KIAA1328: variants seen among roughly 807,000 people sequenced by gnomAD.
The protein encoded by KIAA1328 is protein hinderin.
A neutral mutation model predicts 68.1 loss-of-function variants in KIAA1328; 52 were observed. The ratio of observed to expected loss-of-function variants is 0.76; its 90% CI spans 0.61 to 0.96. The LOEUF (loss-of-function observed/expected upper bound fraction) is 0.96, where lower values mean the gene tolerates loss of function less well. Among genes scored for constraint, KIAA1328 ranks in the 40% least tolerant of loss-of-function variants. The pLI is 0.00. For missense variants in KIAA1328, 641 were observed against 677.6 expected (o/e 0.95, Z 0.60); for synonymous variants, 232 against 239.4 (o/e 0.97, Z 0.28).
At chr18:37,229,087 T>C (rs1256155472), downstream of KIAA1328, among the ~76,000 whole-genome samples, 1 of 152,132 alleles carries the variant, frequency 6.6e-6, no homozygotes, top group African/African-American at 2.4e-5. Flanking sequence ...ATCTCTGAGG[T>C]ATGCCTGTAT....
intron 6 of KIAA1328, among the ~76,000 whole-genome samples, chr18:36,994,478 C>T (rs547717367): frequency 3.3e-5 from 5 of 152,142 alleles, no homozygotes; most frequent in Non-Finnish European, 5.9e-5. Flanking sequence ...CTCCCTCCCT[C>T]GGTGATCCTG....
At chr18:36,843,885 C>T (rs1018081648) in intron 3 of KIAA1328, among the ~76,000 whole-genome samples, 2 of 152,154 alleles carry the variant, frequency 1.3e-5, no homozygotes, top group East Asian at 1.9e-4. Flanking sequence ...GGTGTAATAA[C>T]AGTTCTCAGT....
intron 7 of KIAA1328, among the ~76,000 whole-genome samples, chr18:37,113,854 C>T (rs895362201): frequency 1.3e-5 from 2 of 152,108 alleles, no homozygotes; most frequent in Non-Finnish European, 2.9e-5. Flanking sequence ...GCAGGTGTTG[C>T]AATCCTAGTC....
At chr18:37,062,466 T>G (rs2056187481) in intron 6 of KIAA1328, among the ~76,000 whole-genome samples, 1 of 151,854 alleles carries the variant, frequency 6.6e-6, no homozygotes, top group Non-Finnish European at 1.5e-5. Context: ...TTGTTTTTTT[T>G]TTTTGAGACA....
chr18:36,951,658 T>G (rs2051166782), intron 5 of KIAA1328, among the ~76,000 whole-genome samples: 1 of 152,192 alleles, frequency 6.6e-6, no homozygotes, highest in Admixed American at 6.6e-5. Flanking sequence ...CCAAGCATCT[T>G]TAACTCTGTG....
chr18:37,074,578 A>T (rs1216507228), intron 7 of KIAA1328, among the ~76,000 whole-genome samples: 1 of 152,104 alleles, frequency 6.6e-6, no homozygotes, highest in East Asian at 1.9e-4. Flanking sequence ...CTTCCAGTTG[A>T]TCGCATCGGC....
chr18:37,147,698 G>A (rs1195242531), intron 7 of KIAA1328, among the ~76,000 whole-genome samples: 2 of 152,144 alleles, frequency 1.3e-5, no homozygotes, highest in African/African-American at 2.4e-5. Context: ...CTTCTCGTAT[G>A]TGGGCTTTCT....
At chr18:36,934,349 G>C (rs2050422361) in intron 5 of KIAA1328, among the ~76,000 whole-genome samples, 1 of 151,878 alleles carries the variant, frequency 6.6e-6, no homozygotes, top group African/African-American at 2.4e-5. Flanking sequence ...TAGGGTACAT[G>C]TGCACAATGT....
intron 6 of KIAA1328, among the ~76,000 whole-genome samples, chr18:37,038,958 A>G (rs1429603236): frequency 6.6e-6 from 1 of 152,114 alleles, no homozygotes; most frequent in Non-Finnish European, 1.5e-5. Flanking sequence ...TTTCTGTTTC[A>G]TGGAGATGAT....
In KIAA1328 at chr18:37,067,210, G is replaced by C. The variant is rs778223324; in HGVS notation, c.897G>C (p.Lys299Asn). ...ACATGAAGGAATGTCCACATCTTAA[G>C]CCTACTCCTAGTCAATGCTGTGGTC... is the stretch of plus-strand genomic sequence containing the variant. The part of the protein sequence containing the change: ...ELHMKECPHL[K>N]PTPSQCCGHR... The change falls in exon 7 of 10, where the codon AAG (lysine) becomes AAC (asparagine). Residue 299 changes from lysine (K) to asparagine (N), a missense_variant. Transcript: ENST00000280020. The C allele has an allele frequency of 5.0e-6, 8 of 1,613,874 alleles. No individual in the cohort carries two copies. In the African/African-American group the frequency reaches 1.1e-4, roughly 22 times the overall value.
chr18:36,918,680 G>T (rs2049806078), intron 5 of KIAA1328, among the ~76,000 whole-genome samples: 1 of 152,144 alleles, frequency 6.6e-6, no homozygotes, highest in East Asian at 1.9e-4. Context: ...CTCCCAAAGT[G>T]CTGGGATTAC....
chr18:36,907,524 C>CT (rs1208057769), intron 5 of KIAA1328, among the ~76,000 whole-genome samples: 3 of 151,964 alleles, frequency 2.0e-5, no homozygotes, highest in Non-Finnish European at 2.9e-5. Flanking sequence ...TTCTTGAAAG[C>CT]TTTTTTTGTG....
chr18:36,845,465 G>A (rs1228292857), intron 4 of KIAA1328, among the ~76,000 whole-genome samples: 6 of 151,672 alleles, frequency 4.0e-5, no homozygotes, highest in African/African-American at 9.7e-5. Flanking sequence ...ATGGTCCTAC[G>A]TTGCCATTAT....
intron 7 of KIAA1328, among the ~76,000 whole-genome samples, chr18:37,122,758 G>A (rs1164390761): frequency 6.6e-6 from 1 of 152,010 alleles, no homozygotes; most frequent in African/African-American, 2.4e-5. Flanking sequence ...TAGTACGGGA[G>A]GTGAGGAACA....
At chr18:37,153,392 G>T (rs1263753451) in intron 7 of KIAA1328, among the ~76,000 whole-genome samples, 1 of 152,074 alleles carries the variant, frequency 6.6e-6, no homozygotes, top group African/African-American at 2.4e-5. Flanking sequence ...ACAGAAAATG[G>T]CAGCCAGTTT....
chr18:36,869,637 CT>C (rs1568100081), intron 4 of KIAA1328, among the ~76,000 whole-genome samples: 1 of 152,006 alleles, frequency 6.6e-6, no homozygotes, highest in Non-Finnish European at 1.5e-5. Context: ...ATATTTTTCT[CT>C]TTCATAGTTT....
intron 5 of KIAA1328, among the ~76,000 whole-genome samples, chr18:36,948,307 G>T (rs77264336): frequency 6.9e-6 from 1 of 144,998 alleles, no homozygotes; most frequent in Non-Finnish European, 1.5e-5. Flanking sequence ...CTGTCTCCAG[G>T]CTGGAGTGCT....
In KIAA1328 at chr18:37,224,973, C is replaced by T. The variant is rs758414740; in HGVS notation, c.*2746C>T. On this transcript the variant is annotated 3_prime_UTR_variant, in exon 10 of 10. Transcript: ENST00000280020. ...CATAGAAAAGCTTTTGCTAACAGTC[C>T]GCTTTCCAGGAGGCAAACTTGTGTT... 3.8e-4 allele frequency: 372 copies of T among 985,340 alleles called. No homozygotes were observed. The highest frequency in any genetic ancestry group is 4.3e-4 in the Non-Finnish European group (354 of 829,958). The allele number at this position is 985,340 out of a possible 1,614,324, so 61.0% of individuals were successfully genotyped here.
chr18:37,029,598 A>G (rs2151574282), intron 6 of KIAA1328, among the ~76,000 whole-genome samples: 1 of 152,174 alleles, frequency 6.6e-6, no homozygotes, highest in Non-Finnish European at 1.5e-5. Flanking sequence ...TTTTTTGAGA[A>G]TTGTTTTATG....
Sources: gnomAD v4.1 joint callset for allele counts (sites outside exome capture counted in the v4.1 genomes callset) on GRCh38, gnomAD v4.1.1 for gene constraint, MANE v1.5 for transcripts, NCBI Gene and HGNC (gene_info 2026-07-23, HGNC 2026-07-21) for gene names.